Variants in SLC9B2 observed in about 807,000 individuals in gnomAD.
SLC9B2 encodes sodium/hydrogen exchanger 9B2.
SLC9B2 carries 39 observed loss-of-function variants against 52.2 expected under a neutral mutation model. That is an observed-to-expected ratio of 0.75 (90% confidence interval 0.58 to 0.98). SLC9B2 has a LOEUF of 0.98. Among genes scored for constraint, SLC9B2 ranks in the 50% least tolerant of loss-of-function variants. SLC9B2 has a pLI of 0.00. For synonymous variants in SLC9B2, 214 were observed against 227.0 expected (o/e 0.94, Z 0.51); for missense variants, 626 against 637.5 (o/e 0.98, Z 0.19).
Position 103,028,755 on chromosome 4 carries a change from T to C in SLC9B2, c.1384A>G (p.Thr462Ala), listed in dbSNP as rs1414043509. 1.2e-6 allele frequency: 2 copies of C among 1,608,376 alleles called. No homozygotes were observed. Among genetic ancestry groups the C allele is most frequent in the Non-Finnish European group, 1.7e-6 (2 of 1,178,118 alleles). ...FISFAWLPKA[T>A]VQAAIGSVAL... ...CATCCTATCCATCATACCTGAACTG[T>C]GGCCTTTGGAAGCCATGCAAAAGAA... The change falls in exon 11 of 12, where the codon ACA (threonine) becomes GCA (alanine). Residue 462 changes from threonine (T) to alanine (A), a missense_variant. Physicochemically the swap from Thr to Ala is moderately conservative, Grantham distance 58. Transcript: ENST00000394785.
chr4:103,034,851 G>A (rs1743022853), intron 9 of SLC9B2, among the ~76,000 whole-genome samples: 1 of 151,956 alleles, frequency 6.6e-6, no homozygotes, highest in Non-Finnish European at 1.5e-5. Context: ...GTGACCAAAT[G>A]TCAAAGGAAA....
chr4:103,066,180 G>A, intron 3 of SLC9B2, 147 bp downstream of exon 3: 1 of 898,936 alleles, frequency 1.1e-6, no homozygotes, highest in Non-Finnish European at 1.7e-6. Flanking sequence ...GTGTGGAGCA[G>A]AGCCACCCAT....
chr4:103,020,875 G>A (rs919356028), downstream of SLC9B2, among the ~76,000 whole-genome samples: 7 of 152,062 alleles, frequency 4.6e-5, no homozygotes, highest in Non-Finnish European at 7.4e-5. Context: ...TGATCTGCCC[G>A]TCTTGGCTTC....
At chr4:103,063,626 C>T (rs959363642) in intron 3 of SLC9B2, among the ~76,000 whole-genome samples, 11 of 152,074 alleles carry the variant, frequency 7.2e-5, no homozygotes, top group Admixed American at 1.3e-4. Flanking sequence ...AGCTCCATGA[C>T]ACTGGTCTGA....
chr4:103,034,822 G>A (rs1159810041), intron 9 of SLC9B2, among the ~76,000 whole-genome samples: 2 of 151,960 alleles, frequency 1.3e-5, no homozygotes, highest in African/African-American at 4.8e-5. Flanking sequence ...CAATATTTGA[G>A]CTTGTGGAAG....
intron 9 of SLC9B2, among the ~76,000 whole-genome samples, chr4:103,037,633 A>C (rs1743288477): frequency 6.6e-6 from 1 of 152,216 alleles, no homozygotes; most frequent in African/African-American, 2.4e-5. Flanking sequence ...TGTTTTCATC[A>C]GATAACGAGT....
rs140812325 is a variant in SLC9B2, at chr4:103,038,193, A to G, written c.1146+5103T>C. The stretch of plus-strand genomic sequence containing the variant: ...GACTTTAGTTGATACTCATTGTAGT[A>G]AAGAACAAGAATCAACTCTATTAAT... On this transcript the variant is annotated intron_variant, in intron 9 of 11. Transcript: ENST00000394785. Among the ~76,000 whole-genome samples, 3 of 152,320 alleles carry G rather than the reference A, an allele frequency of 2.0e-5. No homozygotes were observed. In the East Asian group the frequency reaches 5.8e-4, roughly 29 times the overall value.
intron 7 of SLC9B2, among the ~76,000 whole-genome samples, chr4:103,045,909 A>T (rs1396730322): frequency 6.6e-6 from 1 of 152,226 alleles, no homozygotes; most frequent in Non-Finnish European, 1.5e-5. Context: ...AAAGGTATAT[A>T]CCAGGAAAGT....
intron 4 of SLC9B2, among the ~76,000 whole-genome samples, chr4:103,050,967 A>G (rs1330182802): frequency 1.3e-5 from 2 of 152,220 alleles, no homozygotes; most frequent in Admixed American, 1.3e-4. Flanking sequence ...TATGTATCAC[A>G]CATATAATAA....
chr4:103,075,252 C>A (rs994385878), intron 1 of SLC9B2, among the ~76,000 whole-genome samples: 3 of 152,084 alleles, frequency 2.0e-5, no homozygotes, highest in African/African-American at 7.3e-5. Context: ...TGGGTTCAAG[C>A]GATTCTTCAG....
At chr4:103,071,507 C>T (rs957435515) in intron 1 of SLC9B2, among the ~76,000 whole-genome samples, 7 of 151,894 alleles carry the variant, frequency 4.6e-5, no homozygotes, top group Non-Finnish European at 2.9e-5. Context: ...GCCTCAGCCT[C>T]CTGAGGGACT....
intron 9 of SLC9B2, among the ~76,000 whole-genome samples, chr4:103,038,772 G>GT (rs1490360995): frequency 6.6e-5 from 10 of 151,908 alleles, no homozygotes; most frequent in Non-Finnish European, 1.0e-4. Flanking sequence ...CCAAAATACC[G>GT]TATCAACAAA....
intron 9 of SLC9B2, among the ~76,000 whole-genome samples, chr4:103,035,153 T>C (rs1309945445): frequency 1.3e-5 from 2 of 152,060 alleles, no homozygotes; most frequent in Non-Finnish European, 1.5e-5. Context: ...CACCCTACAA[T>C]AGGCCCCAGT....
chr4:103,061,765 A>C (rs916174351), intron 3 of SLC9B2, among the ~76,000 whole-genome samples: 1 of 152,192 alleles, frequency 6.6e-6, no homozygotes, highest in African/African-American at 2.4e-5. Flanking sequence ...TTGGTGTCTG[A>C]TGATTCCCTG....
At chr4:103,068,113 G>A (rs1240459461) in intron 1 of SLC9B2, among the ~76,000 whole-genome samples, 2 of 152,180 alleles carry the variant, frequency 1.3e-5, no homozygotes, top group Non-Finnish European at 2.9e-5. Context: ...ACACTATGAT[G>A]AGTGCTATGG....
chr4:103,069,436 A>ATT (rs1342959849), intron 1 of SLC9B2, among the ~76,000 whole-genome samples: 1 of 152,246 alleles, frequency 6.6e-6, no homozygotes, highest in African/African-American at 2.4e-5. Flanking sequence ...CAAATTGCTT[A>ATT]ACCTCTTTGT....
downstream of SLC9B2, chr4:103,019,993 T>G (rs1347166115): frequency 2.2e-6 from 2 of 923,282 alleles, no homozygotes; most frequent in Non-Finnish European, 2.6e-6. Flanking sequence ...AGATTGTGTT[T>G]CCCCTAAAGT....
downstream of SLC9B2, chr4:103,019,541 G>C: frequency 1.0e-6 from 1 of 979,332 alleles, no homozygotes; most frequent in Non-Finnish European, 1.2e-6. Context: ...GATCGCGGCA[G>C]ACCCGGGACT....
intron 7 of SLC9B2, among the ~76,000 whole-genome samples, chr4:103,046,231 T>C (rs555348254): frequency 6.6e-6 from 1 of 152,332 alleles, no homozygotes; most frequent in East Asian, 1.9e-4. Context: ...AAGCTAAACT[T>C]AGATTACAAT....
Sources: allele counts gnomAD v4.1 joint callset (sites outside exome capture counted in the v4.1 genomes callset), GRCh38; gene constraint gnomAD v4.1.1; transcripts MANE v1.5; gene names NCBI Gene and HGNC (gene_info 2026-07-23, HGNC 2026-07-21).